Variants in SLC1A2 observed in about 807,000 individuals in gnomAD.
SLC1A2 encodes the protein excitatory amino acid transporter 2.
In SLC1A2, 15 loss-of-function variants were observed where a neutral mutation model predicts 48.8. The ratio of observed to expected loss-of-function variants is 0.31; its 90% CI spans 0.21 to 0.47. SLC1A2 has a LOEUF of 0.47. Among genes scored for constraint, SLC1A2 ranks in the 20% least tolerant of loss-of-function variants. The pLI is 0.99. For synonymous variants in SLC1A2, 279 were observed against 272.6 expected, an observed-to-expected ratio of 1.02 and a Z score of -0.23; for missense variants, 502 against 730.5, an observed-to-expected ratio of 0.69 and a Z score of 3.61.
chr11:35,276,926 T>A lies in SLC1A2; in HGVS notation c.1421+3941A>T, dbSNP rs115321370. On this transcript the variant is annotated intron_variant, in intron 9 of 10. Transcript: ENST00000278379. ...GTAATTTATATAGAACAGAAATTTATTTCCTCAGAATTCTGGAGGTTGGGA... is the reference window on the plus strand; with the variant it reads ...GTAATTTATATAGAACAGAAATTTAATTCCTCAGAATTCTGGAGGTTGGGA... 3.5e-3 allele frequency among the ~76,000 whole-genome samples: 540 copies of A among 152,332 alleles called. 6 individuals carry two copies. Among genetic ancestry groups the A allele is most frequent in the African/African-American group, 0.013 (529 of 41,574 alleles).
intron 1 of SLC1A2, among the ~76,000 whole-genome samples, chr11:35,360,816 A>G (rs533372971): frequency 3.9e-5 from 6 of 152,168 alleles, no homozygotes; most frequent in Non-Finnish European, 8.8e-5. Context: ...CATTTCTCAG[A>G]TGTGCCTCTC....
chr11:35,387,020 T>C (rs1854604211), intron 1 of SLC1A2, among the ~76,000 whole-genome samples: 1 of 152,140 alleles, frequency 6.6e-6, no homozygotes, highest in Non-Finnish European at 1.5e-5. Context: ...TCCTCTTGCC[T>C]CAGCCTCCCA....
At position 35,258,229 on chromosome 11, in the gene SLC1A2, A is replaced by G. The variant is rs1356534222; in HGVS notation, c.*2665T>C. The G allele has an allele frequency of 1.3e-5, 2 of 152,252 alleles. No individual in the cohort carries two copies. The highest frequency in any genetic ancestry group is 1.9e-4 in the East Asian group (1 of 5,204). The allele number at this position is 152,252 out of a possible 1,614,324, so 9.4% of individuals were successfully genotyped here. A position where few individuals can be genotyped will look rare whatever the true frequency, so the allele number is the denominator to read the frequency against. On this transcript the variant is annotated 3_prime_UTR_variant, in exon 11 of 11. Coordinates refer to ENST00000278379, the MANE Select transcript of SLC1A2 (RefSeq NM_004171.4). ...TTAATATGACTTATTGAATTTCCAG[A>G]TAAGTGTGATTTTCTAAGTATATTC...
upstream of SLC1A2, chr11:35,420,411 C>CT (rs1855757309): frequency 6.6e-6 from 1 of 152,292 alleles, no homozygotes; most frequent in African/African-American, 2.4e-5. Flanking sequence ...GGTCCCACTA[C>CT]TTGCCGACCC....
At chr11:35,287,149 C>T (rs973581603) in intron 7 of SLC1A2, among the ~76,000 whole-genome samples, 198 bp from the exon 8 acceptor site, 1 of 152,124 alleles carries the variant, frequency 6.6e-6, no homozygotes, top group African/African-American at 2.4e-5. Context: ...TATTAAGACA[C>T]TAATAGGCAG....
chr11:35,375,872 C>G (rs958061661), intron 1 of SLC1A2, among the ~76,000 whole-genome samples: 10 of 152,176 alleles, frequency 6.6e-5, no homozygotes, highest in African/African-American at 2.4e-4. Flanking sequence ...AGAATTGATT[C>G]TATTATTATC....
intron 1 of SLC1A2, among the ~76,000 whole-genome samples, chr11:35,329,470 G>T (rs1446776430): frequency 1.3e-5 from 2 of 152,156 alleles, no homozygotes; most frequent in East Asian, 1.9e-4. Context: ...GTGAGCAGGG[G>T]TATATGGGAA....
rs551327045 is a variant in SLC1A2 at position 35,301,220 on chromosome 11, T to C, written c.857+299A>G. 2.0e-5 allele frequency among the ~76,000 whole-genome samples: 3 copies of C among 152,284 alleles called. No homozygotes were observed. In the East Asian group the frequency reaches 5.8e-4, roughly 29 times the overall value. On this transcript the variant is annotated intron_variant, in intron 6 of 10. Transcript: ENST00000278379. ...TGTTGTTTCTAAGCCACTCAGTCTTTGGTATTTTGTTATGGCAACCCAACT... is the reference window on the plus strand; with the variant it reads ...TGTTGTTTCTAAGCCACTCAGTCTTCGGTATTTTGTTATGGCAACCCAACT...
At chr11:35,378,640 C>T (rs959050329) in intron 1 of SLC1A2, among the ~76,000 whole-genome samples, 1 of 152,196 alleles carries the variant, frequency 6.6e-6, no homozygotes, top group African/African-American at 2.4e-5. Flanking sequence ...AATAAGTCTG[C>T]CTGTAACTGA....
At chr11:35,285,166 A>T (rs999158020) in intron 8 of SLC1A2, among the ~76,000 whole-genome samples, 2 of 152,192 alleles carry the variant, frequency 1.3e-5, no homozygotes, top group African/African-American at 2.4e-5. Flanking sequence ...TTTTTGAGTC[A>T]CAGTCAGAAA....
chr11:35,254,689 TG>T lies in SLC1A2; in HGVS notation c.*6204del. On this transcript the variant is annotated 3_prime_UTR_variant, in exon 11 of 11. Coordinates refer to ENST00000278379, the MANE Select transcript of SLC1A2 (RefSeq NM_004171.4). ...CAGGTTTCAACACTCACCCAAGGAT[TG>T]GGGGTGTCTCCAGAGAAACTGAGGA... The T allele has an allele frequency of 2.3e-6, 1 of 438,466 alleles. No homozygotes were observed. The highest frequency in any genetic ancestry group is 7.1e-5 in the East Asian group (1 of 14,044). The allele number at this position is 438,466 out of a possible 1,614,324, so 27.2% of individuals were successfully genotyped here.
intron 7 of SLC1A2, among the ~76,000 whole-genome samples, chr11:35,287,895 A>G (rs1184192011): frequency 6.6e-6 from 1 of 152,258 alleles, no homozygotes; most frequent in Non-Finnish European, 1.5e-5. Flanking sequence ...GAAGTGCTTC[A>G]TGGTCCATCC....
chr11:35,353,281 C>T (rs1258747098), intron 1 of SLC1A2, among the ~76,000 whole-genome samples: 1 of 152,098 alleles, frequency 6.6e-6, no homozygotes, highest in African/African-American at 2.4e-5. Flanking sequence ...TTAAGGTTTC[C>T]ACTCCCCTAA....
intron 1 of SLC1A2, among the ~76,000 whole-genome samples, chr11:35,367,373 G>C (rs1195339101): frequency 6.6e-6 from 1 of 152,110 alleles, no homozygotes; most frequent in Non-Finnish European, 1.5e-5. Context: ...GGTGACCTTG[G>C]GGGAAATGCC....
intron 1 of SLC1A2, among the ~76,000 whole-genome samples, chr11:35,321,050 A>T (rs1852046896): frequency 6.6e-6 from 1 of 152,174 alleles, no homozygotes; most frequent in Non-Finnish European, 1.5e-5. Flanking sequence ...TTACAATCAA[A>T]TCATGGTGGA....
intron 4 of SLC1A2, 36 bp downstream of exon 4, chr11:35,312,162 G>C: frequency 6.2e-7 from 1 of 1,607,034 alleles, no homozygotes; most frequent in Non-Finnish European, 8.5e-7. Context: ...TAACTTAGAG[G>C]ACTGGAGAAG....
At chr11:35,271,932 A>G (rs548439329) in intron 9 of SLC1A2, among the ~76,000 whole-genome samples, 5 of 152,352 alleles carry the variant, frequency 3.3e-5, no homozygotes, top group South Asian at 2.1e-4. Flanking sequence ...GATAGAAGCC[A>G]GCTCACTATA....
intron 6 of SLC1A2, 35 bp downstream of exon 6, chr11:35,301,484 A>G (rs376561799): frequency 1.2e-6 from 2 of 1,608,682 alleles, no homozygotes; most frequent in Non-Finnish European, 1.7e-6. Flanking sequence ...GGCTTTCTCA[A>G]CCCACTGCTA....
upstream of SLC1A2, chr11:35,419,993 C>T: frequency 2.1e-6 from 1 of 466,058 alleles, no homozygotes; most frequent in Non-Finnish European, 4.5e-6. This position sits in a 1 kb window ranked among gnomAD's most constrained non-coding sequence, Gnocchi z 5.4. Flanking sequence ...CTGAAACACG[C>T]GGGTGGTGCA....
Sources: allele counts gnomAD v4.1 joint callset (sites outside exome capture counted in the v4.1 genomes callset), GRCh38; gene constraint gnomAD v4.1.1; non-coding constraint Gnocchi (gnomAD v3.1); transcripts MANE v1.5; gene names NCBI Gene and HGNC (gene_info 2026-07-23, HGNC 2026-07-21).